The following GRIK2 variants were observed in gnomAD, a reference collection of about 807,000 sequenced individuals.
GRIK2 encodes the protein glutamate ionotropic receptor kainate type subunit 2, also known as glutamate receptor ionotropic, kainate 2.
GRIK2 carries 32 observed loss-of-function variants against 100.3 expected under a neutral mutation model. That is an observed-to-expected ratio of 0.32 (90% confidence interval 0.24 to 0.43). The LOEUF is 0.43. GRIK2 is among the 20% of genes least tolerant of loss of function. The pLI is 1.00. For missense variants in GRIK2, 843 were observed against 1,114.9 expected (o/e 0.76, Z 3.47); for synonymous variants, 417 against 389.4 (o/e 1.07, Z -0.83).
intron 2 of GRIK2, among the ~76,000 whole-genome samples, chr6:101,406,229 T>A (rs192024511): frequency 2.0e-5 from 3 of 152,282 alleles, no homozygotes; most frequent in East Asian, 1.9e-4. Flanking sequence ...ATTTTTTTTT[T>A]AATTTTTAAT....
At chr6:101,707,592 GTGTATATATGTGTGTATATA>G (rs1773414388) in intron 7 of GRIK2, among the ~76,000 whole-genome samples, 1 of 128,218 alleles carries the variant, frequency 7.8e-6, no homozygotes, top group Non-Finnish European at 1.6e-5. Context: ...GTGTGTGTGT[GTGTATATATGTGTGTATATA>G]TATATATATA....
intron 14 of GRIK2, among the ~76,000 whole-genome samples, chr6:102,030,482 T>G (rs1378908720): frequency 6.6e-6 from 1 of 151,134 alleles, no homozygotes; most frequent in Non-Finnish European, 1.5e-5. Flanking sequence ...TCCACTTTGA[T>G]GTGACTTCTA....
chr6:101,643,858 A>G (rs1781398278), intron 4 of GRIK2, among the ~76,000 whole-genome samples: 1 of 151,792 alleles, frequency 6.6e-6, no homozygotes, highest in Admixed American at 6.6e-5. Flanking sequence ...GAGTTATACT[A>G]AAATATACTT....
chr6:102,033,662 A>C (rs1770116606), intron 14 of GRIK2, among the ~76,000 whole-genome samples: 2 of 151,318 alleles, frequency 1.3e-5, no homozygotes, highest in South Asian at 4.1e-4. Flanking sequence ...TTTCATATTT[A>C]TTATGAGAAC....
chr6:101,742,594 A>G (rs755209565), intron 7 of GRIK2, among the ~76,000 whole-genome samples: 5 of 152,184 alleles, frequency 3.3e-5, no homozygotes, highest in Non-Finnish European at 7.3e-5. Context: ...GGTTTGGTCC[A>G]GAAAGGCGGG....
chr6:102,046,518 A>G (rs906750957), intron 15 of GRIK2, among the ~76,000 whole-genome samples: 2 of 152,066 alleles, frequency 1.3e-5, no homozygotes, highest in East Asian at 3.9e-4. Context: ...CACTGCCACC[A>G]TGTGAAGAAG....
intron 12 of GRIK2, among the ~76,000 whole-genome samples, chr6:101,909,801 T>TCTCTC (rs1788543285): frequency 6.6e-6 from 1 of 151,220 alleles, no homozygotes; most frequent in Non-Finnish European, 1.5e-5. Flanking sequence ...TAGATATATA[T>TCTCTC]AGATTAATTC....
At chr6:101,569,925 T>C (rs1777453707) in intron 2 of GRIK2, among the ~76,000 whole-genome samples, 1 of 152,134 alleles carries the variant, frequency 6.6e-6, no homozygotes, top group East Asian at 1.9e-4. Flanking sequence ...GTACATTGAG[T>C]TTAACACAAA....
intron 2 of GRIK2, among the ~76,000 whole-genome samples, chr6:101,447,894 C>T (rs561311641): frequency 2.6e-5 from 4 of 151,720 alleles, no homozygotes; most frequent in Admixed American, 1.3e-4. Context: ...TTTGTCATCC[C>T]GTCTCCTTCC....
At position 101,963,278 on chromosome 6, in the gene GRIK2, A is replaced by ATTT. The variant is rs3029099; in HGVS notation, c.2085+34681_2085+34683dup. The stretch of plus-strand genomic sequence containing the variant: ...TATTTCATATTTATACTTATTTAGG[A>ATTT]TTTTTTTTTTTTTTTTTTTTTTTTT... On this transcript the variant is annotated intron_variant, in intron 14 of 16. Coordinates refer to ENST00000369134, the MANE Select transcript of GRIK2 (RefSeq NM_021956.5). 1.1e-4 allele frequency among the ~76,000 whole-genome samples: 3 copies of ATTT among 27,844 alleles called. 1 individual carries two copies. The highest frequency in any genetic ancestry group is 1.4e-4 in the Non-Finnish European group (2 of 14,018). 18.3% of individuals were successfully genotyped at this position (27,844 alleles called of 152,430 possible). A position where few individuals can be genotyped will look rare whatever the true frequency, so the allele number is the denominator to read the frequency against.
At chr6:101,996,846 C>T (rs1322869650) in intron 14 of GRIK2, among the ~76,000 whole-genome samples, 1 of 151,998 alleles carries the variant, frequency 6.6e-6, no homozygotes, top group Non-Finnish European at 1.5e-5. Context: ...CACCATTGGC[C>T]AATTTTCATG....
chr6:101,438,619 G>T (rs1256389424), intron 2 of GRIK2, among the ~76,000 whole-genome samples: 1 of 151,956 alleles, frequency 6.6e-6, no homozygotes, highest in Non-Finnish European at 1.5e-5. Flanking sequence ...CATCGTTCTG[G>T]CACACTCTTT....
intron 3 of GRIK2, among the ~76,000 whole-genome samples, chr6:101,626,138 CCT>C (rs1780426070): frequency 5.3e-5 from 8 of 152,116 alleles, no homozygotes; most frequent in Admixed American, 5.2e-4. Flanking sequence ...GTCTCCCTCC[CCT>C]GACATTATTT....
intron 4 of GRIK2, among the ~76,000 whole-genome samples, chr6:101,641,529 T>C (rs991417632): frequency 6.6e-6 from 1 of 152,102 alleles, no homozygotes; most frequent in South Asian, 2.1e-4. Context: ...TTACAAATGA[T>C]GAGCTTTTTT....
chr6:101,625,030 G>A (rs1043419972), intron 3 of GRIK2, among the ~76,000 whole-genome samples: 2 of 151,918 alleles, frequency 1.3e-5, no homozygotes, highest in African/African-American at 2.4e-5. Context: ...TTGGCCTCCC[G>A]AAGTGCTGGG....
intron 16 of GRIK2, among the ~76,000 whole-genome samples, chr6:102,066,150 G>A (rs532143044): frequency 6.6e-6 from 1 of 151,400 alleles, no homozygotes; most frequent in South Asian, 2.1e-4. Context: ...TTAATTTAAT[G>A]TTATTAAACA....
In GRIK2 at chr6:101,506,846, CAACTT is replaced by C. The variant is rs564280288; in HGVS notation, c.115+107458_115+107462del. On this transcript the variant is annotated intron_variant, in intron 2 of 16. Transcript: ENST00000369134. ...CAAAGTGAATTTTAGGGTTTTATAT[CAACTT>C]AACCATTGTGCAAATTTGAGTTTTA... 1.7e-4 allele frequency among the ~76,000 whole-genome samples: 26 copies of C among 152,160 alleles called. No homozygotes were observed. In the South Asian group the frequency reaches 5.0e-3, roughly 29 times the overall value.
At chr6:101,984,001 A>T (rs1582665763) in intron 14 of GRIK2, among the ~76,000 whole-genome samples, 1 of 151,740 alleles carries the variant, frequency 6.6e-6, no homozygotes, top group Non-Finnish European at 1.5e-5. Context: ...TATTTTGAAG[A>T]AAAAAAGCAA....
At chr6:101,991,276 T>C (rs1794358568) in intron 14 of GRIK2, among the ~76,000 whole-genome samples, 1 of 151,580 alleles carries the variant, frequency 6.6e-6, no homozygotes. Context: ...TTCATTCCCA[T>C]TTCAGAAGTG....
Sources: gnomAD v4.1 joint callset for allele counts (sites outside exome capture counted in the v4.1 genomes callset) on GRCh38, gnomAD v4.1.1 for gene constraint, MANE v1.5 for transcripts, NCBI Gene and HGNC (gene_info 2026-07-23, HGNC 2026-07-21) for gene names.